The following SEMA6B variants were observed in gnomAD, a reference collection of about 807,000 sequenced individuals.
SEMA6B encodes semaphorin 6B, also known as semaphorin-6B.
Under a neutral mutation model 78.6 loss-of-function variants are expected in SEMA6B, and 47 were observed. The ratio of observed to expected loss-of-function variants is 0.60; its 90% CI spans 0.47 to 0.76. SEMA6B has a LOEUF of 0.76. SEMA6B is among the 30% of genes least tolerant of loss of function. The probability of loss-of-function intolerance (pLI) is 0.00; values close to 1 mark genes in which losing one functional copy is unlikely to be tolerated. For synonymous variants in SEMA6B, 632 were observed against 592.2 expected (o/e 1.07, Z -0.98); for missense variants, 1,213 against 1,269.9 (o/e 0.96, Z 0.68).
rs1977288337 is a variant in SEMA6B, at chr19:4,550,246, A to C, written c.1148T>G (p.Met383Arg). The C allele has an allele frequency of 3.7e-6, 6 of 1,607,340 alleles. No individual in the cohort carries two copies. Among genetic ancestry groups the C allele is most frequent in the Non-Finnish European group, 4.3e-6 (5 of 1,176,228 alleles). The change falls in exon 12 of 17, where the codon ATG (methionine) becomes AGG (arginine). Residue 383 changes from methionine (M) to arginine (R), a missense_variant. Met to Arg is a moderately conservative substitution (Grantham distance 91). Transcript: ENST00000586582. The surrounding 1 kb of genome is among the most constrained non-coding windows in gnomAD (Gnocchi z 6.6). ...CAAGGCGCTGGAGGCATTGTACTGCATCCCGGGGGCTGCGCAGCACCCGGG... is the reference window on the plus strand; with the variant it reads ...CAAGGCGCTGGAGGCATTGTACTGCCTCCCGGGGGCTGCGCAGCACCCGGG... The part of the protein sequence containing the change: ...PRPGCCAAPG[M>R]QYNASSALPD...
In SEMA6B at chr19:4,558,227, G is replaced by A. The variant is rs1977525446; in HGVS notation, c.122-78C>T. 2.2e-6 allele frequency: 3 copies of A among 1,342,804 alleles called. No homozygotes were observed. Among genetic ancestry groups the A allele is most frequent in the Non-Finnish European group, 2.9e-6 (3 of 1,034,848 alleles). 83.2% of individuals were successfully genotyped at this position (1,342,804 alleles called of 1,614,324 possible). On this transcript the variant is annotated intron_variant, in intron 2 of 16. Transcript: ENST00000586582. The surrounding 1 kb of genome is among the most constrained non-coding windows in gnomAD (Gnocchi z 5.1). Reference sequence around the variant, plus strand: ...GTGGCCTGAGGTCATGCCCCTTCTAGGGGTGGCTCCTGGACTGCTTGAGTC... The same window carrying A: ...GTGGCCTGAGGTCATGCCCCTTCTAAGGGTGGCTCCTGGACTGCTTGAGTC...
At chr19:4,553,923 G>A (rs1179451295) in intron 9 of SEMA6B, among the ~76,000 whole-genome samples, 1 of 152,028 alleles carries the variant, frequency 6.6e-6, no homozygotes. Flanking sequence ...ATCGATGGGT[G>A]GATGGATGCA....
In SEMA6B at chr19:4,543,209, C is replaced by T; in HGVS notation, c.*392G>A. ...AGGGGTGGGGGAGGGCTTAGGTCTG[C>T]AGCTGTGGCCCCCCATTCCCCACCG... is the stretch of plus-strand genomic sequence containing the variant. On this transcript the variant is annotated 3_prime_UTR_variant, in exon 17 of 17. Transcript: ENST00000586582. 1.8e-6 allele frequency: 1 copy of T among 558,248 alleles called. No individual in the cohort carries two copies. The highest frequency in any genetic ancestry group is 3.2e-6 in the Non-Finnish European group (1 of 313,584). The allele number at this position is 558,248 out of a possible 1,614,324, so 34.6% of individuals were successfully genotyped here. A position where few individuals can be genotyped will look rare whatever the true frequency, so the allele number is the denominator to read the frequency against.
At position 4,552,415 on chromosome 19, in the gene SEMA6B, C is replaced by T. The variant is rs534775659; in HGVS notation, c.989+7G>A. On this transcript the variant is annotated splice_region_variant and intron_variant, in intron 10 of 16. Transcript: ENST00000586582. This position sits in a 1 kb window ranked among gnomAD's most constrained non-coding sequence, Gnocchi z 7.4. ...CTCCCAGTTTGCTCCCATTGGTGGG[C>T]GCTGACCTGTTGCTGGGCGTGGAAA... 1.9e-4 allele frequency: 297 copies of T among 1,565,222 alleles called. 1 individual carries two copies. The highest frequency in any genetic ancestry group is 7.1e-5 in the East Asian group (3 of 42,060).
rs926906230 is a variant in SEMA6B at position 4,544,951 on chromosome 19, ATTTT to A, written c.1739-426_1739-423del. Among the ~76,000 whole-genome samples, 8 of 150,562 alleles carry A rather than the reference ATTTT, an allele frequency of 5.3e-5. No individual in the cohort carries two copies. The highest frequency in any genetic ancestry group is 1.7e-4 in the African/African-American group (7 of 40,844). On this transcript the variant is annotated intron_variant, in intron 16 of 16. Coordinates refer to ENST00000586582, the MANE Select transcript of SEMA6B (RefSeq NM_032108.4). The surrounding 1 kb of genome is among the most constrained non-coding windows in gnomAD (Gnocchi z 5.1). ...CTGGCCTTATTTTTATTATTTTTTA[ATTTT>A]TTTTGTTTGTTTGTTTTGAGACAGT...
In SEMA6B at chr19:4,543,530, G is replaced by A. The variant is rs1977075438; in HGVS notation, c.*71C>T. ...CCCACTCGGAGTTGCCCCGGGCCCCGGCGTTCTGGCACCGTCTCTCGCTCC... is the reference window on the plus strand; with the variant it reads ...CCCACTCGGAGTTGCCCCGGGCCCCAGCGTTCTGGCACCGTCTCTCGCTCC... On this transcript the variant is annotated 3_prime_UTR_variant, in exon 17 of 17. Coordinates refer to ENST00000586582, the MANE Select transcript of SEMA6B (RefSeq NM_032108.4). The A allele has an allele frequency of 1.2e-6, 1 of 844,666 alleles. No individual in the cohort carries two copies. The highest frequency in any genetic ancestry group is 1.6e-6 in the Non-Finnish European group (1 of 634,296). The allele number at this position is 844,666 out of a possible 1,614,324, so 52.3% of individuals were successfully genotyped here.
Position 4,554,965 on chromosome 19 carries a change from C to A in SEMA6B, c.682+11G>T, listed in dbSNP as rs201080659. On this transcript the variant is annotated intron_variant, in intron 8 of 16. Coordinates refer to ENST00000586582, the MANE Select transcript of SEMA6B (RefSeq NM_032108.4). Reference sequence around the variant, plus strand: ...TGCCAGGTCTGGGCCCACTGCCCTTCCTGGTCTCACCTTTGAACCACTTGG... The same window carrying A: ...TGCCAGGTCTGGGCCCACTGCCCTTACTGGTCTCACCTTTGAACCACTTGG... The A allele has an allele frequency of 2.3e-4, 369 of 1,612,938 alleles. No homozygotes were observed. Among genetic ancestry groups the A allele is most frequent in the Non-Finnish European group, 3.0e-4 (352 of 1,179,310 alleles).
Position 4,556,178 on chromosome 19 carries a change from G to A in SEMA6B, c.370-89C>T, listed in dbSNP as rs995498946. The A allele has an allele frequency of 3.1e-5, 28 of 904,882 alleles. No individual in the cohort carries two copies. In the African/African-American group the frequency reaches 4.4e-4, roughly 14 times the overall value. 56.1% of individuals were successfully genotyped at this position (904,882 alleles called of 1,614,324 possible). A position where few individuals can be genotyped will look rare whatever the true frequency, so the allele number is the denominator to read the frequency against. ...CCAGAACCTGAGTTGTGTGGGTGGA[G>A]GGCCGGTCTGTTGTGGGCATGGCCA... is the stretch of plus-strand genomic sequence containing the variant. On this transcript the variant is annotated intron_variant, in intron 5 of 16. Coordinates refer to ENST00000586582, the MANE Select transcript of SEMA6B (RefSeq NM_032108.4).
chr19:4,555,421 C>T lies in SEMA6B; in HGVS notation c.562+53G>A. 1 of 1,490,548 alleles carries T rather than the reference C, an allele frequency of 6.7e-7. No homozygotes were observed. Among genetic ancestry groups the T allele is most frequent in the Non-Finnish European group, 9.2e-7 (1 of 1,089,522 alleles). The allele number at this position is 1,490,548 out of a possible 1,614,324, so 92.3% of individuals were successfully genotyped here. ...ACCCAGACGCTGGAGTAGAAAATGC[C>T]AGGTCTTGCCTGTGGCTGGGGCTGA... On this transcript the variant is annotated intron_variant, in intron 7 of 16. Transcript: ENST00000586582. This position sits in a 1 kb window ranked among gnomAD's most constrained non-coding sequence, Gnocchi z 6.1.
chr19:4,558,534 G>T lies in SEMA6B; in HGVS notation c.-32-45C>A. ...AGGTGAGCGGCCTGCAGTCCCGCTC[G>T]TGGCCACAAGACGGCGGGCGAGAGC... On this transcript the variant is annotated intron_variant, in intron 1 of 16. Coordinates refer to ENST00000586582, the MANE Select transcript of SEMA6B (RefSeq NM_032108.4). The surrounding 1 kb of genome is among the most constrained non-coding windows in gnomAD (Gnocchi z 5.1). 2.5e-6 allele frequency: 3 copies of T among 1,203,944 alleles called. No homozygotes were observed. The highest frequency in any genetic ancestry group is 3.1e-6 in the Non-Finnish European group (3 of 961,808). 74.6% of individuals were successfully genotyped at this position (1,203,944 alleles called of 1,614,324 possible).
At position 4,555,318 on chromosome 19, in the gene SEMA6B, A is replaced by C. The variant is rs955381263; in HGVS notation, c.562+156T>G. Among the ~76,000 whole-genome samples the C allele has an allele frequency of 1.3e-5, 2 of 152,036 alleles. No homozygotes were observed. Among genetic ancestry groups the C allele is most frequent in the African/African-American group, 4.8e-5 (2 of 41,408 alleles). On this transcript the variant is annotated intron_variant, in intron 7 of 16. Transcript: ENST00000586582. The surrounding 1 kb of genome is among the most constrained non-coding windows in gnomAD (Gnocchi z 6.1). Reference sequence around the variant, plus strand: ...CCAAATCCCGCTGAGCCTCAATCCCAGCTGAGCCCCAAACCTGGGCTGAGA... The same window carrying C: ...CCAAATCCCGCTGAGCCTCAATCCCCGCTGAGCCCCAAACCTGGGCTGAGA...
Position 4,548,028 on chromosome 19 carries a change from T to C in SEMA6B, c.1600A>G (p.Lys534Glu). 6.5e-7 allele frequency: 1 copy of C among 1,550,194 alleles called. No individual in the cohort carries two copies. The change falls in exon 14 of 17, where the codon AAG (lysine) becomes GAG (glutamate). Residue 534 changes from lysine to glutamate, a missense_variant and splice_region_variant. Transcript: ENST00000586582. ...ARCQQYSGCM[K>E]NCIGSQDPYC... Reference sequence around the variant, plus strand: ...GGCTGGCCTGGGGTGGACACTCACTTCATACACCCCGAGTACTGCTGGCAG... The same window carrying C: ...GGCTGGCCTGGGGTGGACACTCACTCCATACACCCCGAGTACTGCTGGCAG...
Position 4,542,748 on chromosome 19 carries a change from C to T in SEMA6B, c.*853G>A, listed in dbSNP as rs1293035343. The T allele has an allele frequency of 1.4e-6, 1 of 699,648 alleles. No individual in the cohort carries two copies. Among genetic ancestry groups the T allele is most frequent in the African/African-American group, 1.7e-5 (1 of 57,166 alleles). 43.3% of individuals were successfully genotyped at this position (699,648 alleles called of 1,614,324 possible). On this transcript the variant is annotated 3_prime_UTR_variant, in exon 17 of 17. Transcript: ENST00000586582. ...CGGGTGGCATGGGACTCTCTCACCACCCTGGGGCCGTATTTACAGAGGGGC... is the reference window on the plus strand; with the variant it reads ...CGGGTGGCATGGGACTCTCTCACCATCCTGGGGCCGTATTTACAGAGGGGC...
At chr19:4,557,362 G>A in intron 3 of SEMA6B, 139 bp from the exon 4 acceptor site, 4 of 633,896 alleles carry the variant, frequency 6.3e-6, no homozygotes, top group Non-Finnish European at 5.5e-6. Flanking sequence ...CTCTAGCGCC[G>A]ACCACACCCC....
At position 4,555,104 on chromosome 19, in the gene SEMA6B, GGTGGGTGGGGAA is replaced by G; in HGVS notation, c.563-21_563-10del. On this transcript the variant is annotated splice_polypyrimidine_tract_variant and intron_variant, in intron 7 of 16. Coordinates refer to ENST00000586582, the MANE Select transcript of SEMA6B (RefSeq NM_032108.4). The surrounding 1 kb of genome is among the most constrained non-coding windows in gnomAD (Gnocchi z 6.1). ...TGTGAAGAGCATCCCGTCTGGATGG[GGTGGGTGGGGAA>G]GGCAGGCAAGAGATGAGACCGCAGA... 1 of 1,613,414 alleles carries G rather than the reference GGTGGGTGGGGAA, an allele frequency of 6.2e-7. No individual in the cohort carries two copies.
rs931860423 is a variant in SEMA6B, at chr19:4,552,883, C to T, written c.772-244G>A. ...TCATCACTGTTTCCACGAAGACCCACATTTTATTCTCACATCTCTTACACT... is the reference window on the plus strand; with the variant it reads ...TCATCACTGTTTCCACGAAGACCCATATTTTATTCTCACATCTCTTACACT... On this transcript the variant is annotated intron_variant, in intron 9 of 16. Coordinates refer to ENST00000586582, the MANE Select transcript of SEMA6B (RefSeq NM_032108.4). The surrounding 1 kb of genome is among the most constrained non-coding windows in gnomAD (Gnocchi z 7.4). Among the ~76,000 whole-genome samples, 11 of 152,230 alleles carry T rather than the reference C, an allele frequency of 7.2e-5. No homozygotes were observed. Among genetic ancestry groups the T allele is most frequent in the Non-Finnish European group, 1.2e-4 (8 of 68,040 alleles).
In SEMA6B at chr19:4,558,131, A is replaced by C; in HGVS notation, c.140T>G (p.Val47Gly). 1 of 1,506,810 alleles carries C rather than the reference A, an allele frequency of 6.6e-7. No individual in the cohort carries two copies. The highest frequency in any genetic ancestry group is 8.9e-7 in the Non-Finnish European group (1 of 1,119,154). 93.3% of individuals were successfully genotyped at this position (1,506,810 alleles called of 1,614,324 possible). A position where few individuals can be genotyped will look rare whatever the true frequency, so the allele number is the denominator to read the frequency against. Residue 47 changes from valine to glycine, a missense_variant, in exon 3 of 17, where the codon GTG becomes GGG. Transcript: ENST00000586582. The surrounding 1 kb of genome is among the most constrained non-coding windows in gnomAD (Gnocchi z 5.1). ...APRDYLNHYP[V>G]FVGSGPGRLT... is the part of the protein sequence containing the mutation. ...GCGTCCGGGCCCGCTGCCCACAAAC[A>C]CGGGATAGTGGTTCAGGTCTGAGTG...
Position 4,555,238 on chromosome 19 carries a change from G to T in SEMA6B, c.563-143C>A. 2.1e-6 allele frequency: 2 copies of T among 938,852 alleles called. No individual in the cohort carries two copies. Among genetic ancestry groups the T allele is most frequent in the Non-Finnish European group, 3.1e-6 (2 of 635,432 alleles). The allele number at this position is 938,852 out of a possible 1,614,324, so 58.2% of individuals were successfully genotyped here. A position where few individuals can be genotyped will look rare whatever the true frequency, so the allele number is the denominator to read the frequency against. ...CAGGCTGAGCCCTGATCCCATCCAA[G>T]CCCCACCTCCATCCAAGCCCTGACC... On this transcript the variant is annotated intron_variant, in intron 7 of 16. Coordinates refer to ENST00000586582, the MANE Select transcript of SEMA6B (RefSeq NM_032108.4). This position sits in a 1 kb window ranked among gnomAD's most constrained non-coding sequence, Gnocchi z 6.1.
chr19:4,550,106 G>C lies in SEMA6B; in HGVS notation c.1271+17C>G. On this transcript the variant is annotated intron_variant, in intron 12 of 16. Transcript: ENST00000586582. This position sits in a 1 kb window ranked among gnomAD's most constrained non-coding sequence, Gnocchi z 6.6. ...ATCCTGTCTCCCCTCGCCATGCCCT[G>C]CCTCTCCAGGACCGACCTCATCAGG... 6.2e-7 allele frequency: 1 copy of C among 1,612,284 alleles called. No individual in the cohort carries two copies. Among genetic ancestry groups the C allele is most frequent in the African/African-American group, 1.3e-5 (1 of 75,004 alleles).
Sources: allele counts gnomAD v4.1 joint callset (sites outside exome capture counted in the v4.1 genomes callset), GRCh38; gene constraint gnomAD v4.1.1; non-coding constraint Gnocchi (gnomAD v3.1); transcripts MANE v1.5; gene names NCBI Gene and HGNC (gene_info 2026-07-23, HGNC 2026-07-21).